Variants in CLASP2 observed in about 807,000 individuals in gnomAD.
CLASP2 encodes the protein cytoplasmic linker associated protein 2, also known as CLIP-associating protein 2.
A neutral mutation model predicts 194.4 loss-of-function variants in CLASP2; 47 were observed. The ratio of observed to expected loss-of-function variants is 0.24; its 90% confidence interval spans 0.19 to 0.31. The LOEUF is 0.31. Among genes scored for constraint, CLASP2 ranks in the 10% least tolerant of loss-of-function variants. The pLI, the probability that CLASP2 is intolerant of heterozygous loss-of-function variation, is 1.00. For synonymous variants in CLASP2, 619 were observed against 633.5 expected, an observed-to-expected ratio of 0.98 and a Z score of 0.34; for missense variants, 1,445 against 1,823.6, an observed-to-expected ratio of 0.79 and a Z score of 3.78.
At chr3:33,674,071 T>G (rs1029986724) in intron 6 of CLASP2, among the ~76,000 whole-genome samples, 2 of 152,000 alleles carry the variant, frequency 1.3e-5, no homozygotes, top group Admixed American at 1.3e-4. Context: ...AGGAATTGAA[T>G]TCAGCTCTGC....
At chr3:33,646,546 A>T (rs1264277514) in intron 7 of CLASP2, among the ~76,000 whole-genome samples, 1 of 152,202 alleles carries the variant, frequency 6.6e-6, no homozygotes, top group African/African-American at 2.4e-5. Flanking sequence ...AAGAAAGAGT[A>T]GACATACAAA....
intron 34 of CLASP2, among the ~76,000 whole-genome samples, chr3:33,533,209 T>C (rs558508934): frequency 6.6e-6 from 1 of 152,194 alleles, no homozygotes; most frequent in Non-Finnish European, 1.5e-5. Flanking sequence ...TTTCATGCTA[T>C]GTCCAATTTA....
intron 34 of CLASP2, among the ~76,000 whole-genome samples, chr3:33,522,246 T>A (rs961177096): frequency 6.6e-6 from 1 of 152,122 alleles, no homozygotes; most frequent in African/African-American, 2.4e-5. Context: ...AAGACCAGCA[T>A]ATTCAAAAAC....
chr3:33,589,831 G>A (rs907910827), intron 21 of CLASP2, among the ~76,000 whole-genome samples: 1 of 152,136 alleles, frequency 6.6e-6, no homozygotes, highest in African/African-American at 2.4e-5. Flanking sequence ...AGCCCTTTGA[G>A]TCTTTGCCCT....
intron 18 of CLASP2, among the ~76,000 whole-genome samples, chr3:33,600,469 T>A (rs1242744043): frequency 2.0e-5 from 3 of 152,168 alleles, no homozygotes; most frequent in African/African-American, 7.2e-5. Flanking sequence ...ACTGAGATGA[T>A]CATGTGGTTT....
chr3:33,542,486 G>T (rs2058517191), intron 32 of CLASP2, among the ~76,000 whole-genome samples: 1 of 148,554 alleles, frequency 6.7e-6, no homozygotes, highest in African/African-American at 2.5e-5. Flanking sequence ...TAAAAACAGG[G>T]TTAATTATAT....
At chr3:33,663,624 C>G (rs12629079) in intron 6 of CLASP2, 109 bp from the exon 7 acceptor site, 1 of 709,940 alleles carries the variant, frequency 1.4e-6, no homozygotes, top group Admixed American at 2.5e-5. Context: ...AGGGATTCAG[C>G]TAGTTTTCTA....
At chr3:33,630,879 C>G (rs1030039270) in intron 9 of CLASP2, among the ~76,000 whole-genome samples, 1 of 152,124 alleles carries the variant, frequency 6.6e-6, no homozygotes, top group Non-Finnish European at 1.5e-5. Context: ...ATTGTTCCTA[C>G]AACACTAATC....
intron 34 of CLASP2, among the ~76,000 whole-genome samples, chr3:33,526,629 T>TTCC (rs2054632295): frequency 6.6e-6 from 1 of 152,090 alleles, no homozygotes; most frequent in Non-Finnish European, 1.5e-5. Context: ...ACCAAATGGA[T>TTCC]CTGACAGACC....
intron 26 of CLASP2, among the ~76,000 whole-genome samples, chr3:33,570,009 G>A (rs2063453818): frequency 6.6e-6 from 1 of 152,062 alleles, no homozygotes; most frequent in African/African-American, 2.4e-5. Flanking sequence ...CGCTCACTTA[G>A]GTTAGAAAGT....
chr3:33,663,247 C>T lies in CLASP2; in HGVS notation c.715+198G>A, dbSNP rs942756025. 3.4e-5 allele frequency among the ~76,000 whole-genome samples: 5 copies of T among 147,672 alleles called. No individual in the cohort carries two copies. In the South Asian group the frequency reaches 6.4e-4, roughly 19 times the overall value. ...AGTATCATTTTACACAACTGACTCA[C>T]TATTAAATTTCCACTCACTCCAAAA... On this transcript the variant is annotated intron_variant, in intron 7 of 38. Coordinates refer to ENST00000682230, the MANE Select transcript of CLASP2 (RefSeq NM_001365631.1).
intron 12 of CLASP2, among the ~76,000 whole-genome samples, chr3:33,613,057 A>G (rs1015625328): frequency 6.6e-6 from 1 of 152,188 alleles, no homozygotes. Flanking sequence ...CATGAAGATA[A>G]ATATTTAAGG....
intron 12 of CLASP2, among the ~76,000 whole-genome samples, chr3:33,616,109 G>A (rs1031872227): frequency 4.6e-5 from 7 of 151,396 alleles, no homozygotes. Context: ...ACTATAAACT[G>A]AATTATAAAG....
chr3:33,531,451 C>T (rs866100382), intron 34 of CLASP2, among the ~76,000 whole-genome samples: 36 of 152,132 alleles, frequency 2.4e-4, no homozygotes, highest in African/African-American at 8.2e-4. Context: ...AGATGCTCAG[C>T]ATTACTAATC....
intron 33 of CLASP2, among the ~76,000 whole-genome samples, chr3:33,537,476 A>G (rs2057569475): frequency 6.6e-6 from 1 of 152,240 alleles, no homozygotes; most frequent in Non-Finnish European, 1.5e-5. Context: ...TGAATTCCAC[A>G]GGAACTGGTG....
rs555161915 is a variant in CLASP2 at position 33,559,632 on chromosome 3, C to T, written c.2931-247G>A. Among the ~76,000 whole-genome samples, 85 of 152,292 alleles carry T rather than the reference C, an allele frequency of 5.6e-4. 1 individual carries two copies. The South Asian group carries it at 7.7e-3, about 14-fold the overall frequency. Reference sequence around the variant, plus strand: ...TCTACAGGCCGGGAGCGGTGGCTCACGCTTGTATTCCCAGTACTTTGGGAG... The same window carrying T: ...TCTACAGGCCGGGAGCGGTGGCTCATGCTTGTATTCCCAGTACTTTGGGAG... On this transcript the variant is annotated intron_variant, in intron 28 of 38. Coordinates refer to ENST00000682230, the MANE Select transcript of CLASP2 (RefSeq NM_001365631.1).
intron 16 of CLASP2, among the ~76,000 whole-genome samples, chr3:33,605,681 C>T (rs1443950871): frequency 1.1e-4 from 17 of 152,104 alleles, no homozygotes; most frequent in African/African-American, 7.2e-5. Context: ...TGCAGTGGCA[C>T]GATCTCAGCT....
intron 4 of CLASP2, 94 bp from the exon 5 acceptor site, chr3:33,687,229 A>C: frequency 1.4e-6 from 1 of 738,514 alleles, no homozygotes; most frequent in South Asian, 1.9e-5. Flanking sequence ...GCAATATAAC[A>C]AATATAGTGG....
chr3:33,538,674 G>GATTT lies in CLASP2; in HGVS notation c.3558+114_3558+115insAAAT, dbSNP rs1452164106. On this transcript the variant is annotated intron_variant, in intron 33 of 38. Coordinates refer to ENST00000682230, the MANE Select transcript of CLASP2 (RefSeq NM_001365631.1). ...GGTAGATACTCAGTAAATACTTGTAGAGTGACTGATCCCTAGAAAAGTATA... is the reference window on the plus strand; with the variant it reads ...GGTAGATACTCAGTAAATACTTGTAGATTTAGTGACTGATCCCTAGAAAAGTATA... The GATTT allele has an allele frequency of 1.5e-5, 12 of 826,278 alleles. No homozygotes were observed. In the African/African-American group the frequency reaches 1.9e-4, roughly 13 times the overall value. The allele number at this position is 826,278 out of a possible 1,614,324, so 51.2% of individuals were successfully genotyped here. A position where few individuals can be genotyped will look rare whatever the true frequency, so the allele number is the denominator to read the frequency against.
Sources: allele counts gnomAD v4.1 joint callset (sites outside exome capture counted in the v4.1 genomes callset), GRCh38; gene constraint gnomAD v4.1.1; transcripts MANE v1.5; gene names NCBI Gene and HGNC (gene_info 2026-07-23, HGNC 2026-07-21).